CRTC3: variants seen among roughly 807,000 people sequenced by gnomAD.
The protein encoded by CRTC3 is CREB-regulated transcription coactivator 3.
In CRTC3, 26 loss-of-function variants were observed where a neutral mutation model predicts 74.5. The ratio of observed to expected loss-of-function variants is 0.35; its 90% confidence interval spans 0.26 to 0.48. CRTC3 has a LOEUF of 0.48. Ranked by LOEUF, CRTC3 falls within the 20% of genes least tolerant of loss-of-function variation. The pLI, the probability that CRTC3 is intolerant of heterozygous loss-of-function variation, is 0.99. For synonymous variants in CRTC3, 377 were observed against 325.8 expected (o/e 1.16, Z -1.69); for missense variants, 760 against 787.3 (o/e 0.97, Z 0.41).
chr15:90,550,544 T>G (rs1337381113), intron 2 of CRTC3, among the ~76,000 whole-genome samples: 2 of 151,738 alleles, frequency 1.3e-5, no homozygotes, highest in Non-Finnish European at 2.9e-5. Context: ...GATGGCACTG[T>G]CATGGAGTTA....
intron 2 of CRTC3, among the ~76,000 whole-genome samples, chr15:90,549,153 TG>T (rs1966849683): frequency 6.6e-6 from 1 of 152,228 alleles, no homozygotes; most frequent in Non-Finnish European, 1.5e-5. Flanking sequence ...TGTATAGTTT[TG>T]TATTTTCCTT....
At chr15:90,570,139 C>T (rs1341812372) in intron 2 of CRTC3, among the ~76,000 whole-genome samples, 1 of 152,128 alleles carries the variant, frequency 6.6e-6, no homozygotes, top group African/African-American at 2.4e-5. Flanking sequence ...TAGGACATAA[C>T]TTGTTTGTCT....
chr15:90,570,213 A>C (rs997164151), intron 2 of CRTC3, among the ~76,000 whole-genome samples: 7 of 152,182 alleles, frequency 4.6e-5, no homozygotes, highest in Admixed American at 3.3e-4. Context: ...TGGCTTAAAA[A>C]ATTGTCAAGT....
At chr15:90,641,851 T>TC in intron 14 of CRTC3, 81 bp from the exon 15 acceptor site, 1 of 1,177,900 alleles carries the variant, frequency 8.5e-7, no homozygotes, top group Middle Eastern at 2.8e-4. Flanking sequence ...TAGGGGACTG[T>TC]CATCAGCTGG....
intron 1 of CRTC3, among the ~76,000 whole-genome samples, chr15:90,537,855 CG>C (rs927743650): frequency 5.0e-4 from 76 of 152,332 alleles, no homozygotes; most frequent in African/African-American, 1.7e-3. Flanking sequence ...TTAGTAGAGA[CG>C]GGGTTTCACC....
chr15:90,559,870 T>A (rs996456756), intron 2 of CRTC3, among the ~76,000 whole-genome samples: 1 of 152,234 alleles, frequency 6.6e-6, no homozygotes, highest in Non-Finnish European at 1.5e-5. Context: ...CTCGAACTCC[T>A]GGGTGCAAGT....
intron 7 of CRTC3, among the ~76,000 whole-genome samples, chr15:90,617,464 A>C (rs1405965881): frequency 6.6e-6 from 1 of 152,234 alleles, no homozygotes; most frequent in Non-Finnish European, 1.5e-5. Context: ...TTATTTGTTA[A>C]ATCAGTTTTT....
intron 2 of CRTC3, among the ~76,000 whole-genome samples, chr15:90,545,495 G>A (rs1966842645): frequency 6.6e-6 from 1 of 151,094 alleles, no homozygotes; most frequent in Non-Finnish European, 1.5e-5. Flanking sequence ...CGCCTCCCAG[G>A]TTCAAGCAGT....
intron 13 of CRTC3, among the ~76,000 whole-genome samples, chr15:90,639,670 G>C (rs1392160267): frequency 6.6e-6 from 1 of 150,806 alleles, no homozygotes; most frequent in Non-Finnish European, 1.5e-5. Context: ...GGCTAATCTT[G>C]AACTCCGGAC....
chr15:90,576,255 A>G (rs1324647317), intron 2 of CRTC3, among the ~76,000 whole-genome samples: 1 of 152,180 alleles, frequency 6.6e-6, no homozygotes, highest in Non-Finnish European at 1.5e-5. Context: ...TAAATAAATA[A>G]TACAATACAA....
At chr15:90,563,565 A>G (rs950439150) in intron 2 of CRTC3, among the ~76,000 whole-genome samples, 1 of 152,204 alleles carries the variant, frequency 6.6e-6, no homozygotes, top group African/African-American at 2.4e-5. Flanking sequence ...CTAAGAGCGG[A>G]TGGCTCTCAC....
chr15:90,636,152 A>C (rs1197751399), intron 11 of CRTC3, among the ~76,000 whole-genome samples: 1 of 151,354 alleles, frequency 6.6e-6, no homozygotes, highest in Non-Finnish European at 1.5e-5. Context: ...CCTGACTTCA[A>C]ACTATACTAC....
At position 90,617,919 on chromosome 15, in the gene CRTC3, T is replaced by C; in HGVS notation, c.650T>C (p.Leu217Pro). 2 of 1,613,172 alleles carry C rather than the reference T, an allele frequency of 1.2e-6. No individual in the cohort carries two copies. The highest frequency in any genetic ancestry group is 4.5e-5 in the East Asian group (2 of 44,884). ...SFPGPLKEENLLNVPKPLPKQ... is the reference protein window; with the variant it reads ...SFPGPLKEENPLNVPKPLPKQ... ...CCTGGCCCATTGAAAGAAGAGAATC[T>C]GTTAAATGTTCCGAAGCCACTGCCA... The change falls in exon 8 of 15, where the codon CTG becomes CCG. Residue 217 changes from leucine to proline, a missense_variant. Coordinates refer to ENST00000268184, the MANE Select transcript of CRTC3 (RefSeq NM_022769.5).
Position 90,598,558 on chromosome 15 carries a change from G to A in CRTC3, c.352-3766G>A, listed in dbSNP as rs181105901. The A allele has an allele frequency of 3.3e-5, 23 of 701,820 alleles. No homozygotes were observed. The East Asian group carries it at 5.6e-4, about 17-fold the overall frequency. 43.5% of individuals were successfully genotyped at this position (701,820 alleles called of 1,614,324 possible). ...CTTGGGGAGAGAGAGAACACACTGG[G>A]ATGACTCTGAGATCCTAACATGAGT... On this transcript the variant is annotated intron_variant, in intron 3 of 14. Transcript: ENST00000268184.
chr15:90,581,907 G>T (rs1967550963), intron 2 of CRTC3, among the ~76,000 whole-genome samples: 1 of 152,146 alleles, frequency 6.6e-6, no homozygotes, highest in Admixed American at 6.5e-5. Flanking sequence ...ATTTCCTACG[G>T]CAGGAAGAGG....
Position 90,529,932 on chromosome 15 carries a change from G to C in CRTC3, c.-140G>C. 1 of 534,184 alleles carries C rather than the reference G, an allele frequency of 1.9e-6. No individual in the cohort carries two copies. 33.1% of individuals were successfully genotyped at this position (534,184 alleles called of 1,614,324 possible). On this transcript the variant is annotated 5_prime_UTR_variant, in exon 1 of 15. Coordinates refer to ENST00000268184, the MANE Select transcript of CRTC3 (RefSeq NM_022769.5). ...CTCCCGGCCGCTCGCTGGCTCCGGGGCCGCGGCGGCTCCTCTGCCGGGTCG... is the reference window on the plus strand; with the variant it reads ...CTCCCGGCCGCTCGCTGGCTCCGGGCCCGCGGCGGCTCCTCTGCCGGGTCG...
chr15:90,637,419 G>C (rs1415801725), intron 11 of CRTC3, among the ~76,000 whole-genome samples: 2 of 152,180 alleles, frequency 1.3e-5, no homozygotes, highest in South Asian at 2.1e-4. Flanking sequence ...TGCGGGGAAG[G>C]GGGAGGGATA....
At chr15:90,622,520 T>C (rs966976357) in intron 9 of CRTC3, among the ~76,000 whole-genome samples, 2 of 152,170 alleles carry the variant, frequency 1.3e-5, no homozygotes, top group Non-Finnish European at 2.9e-5. Context: ...TCCTTGATCT[T>C]TAACCCTATA....
chr15:90,548,583 A>G (rs1171677964), intron 2 of CRTC3, among the ~76,000 whole-genome samples: 1 of 151,682 alleles, frequency 6.6e-6, no homozygotes, highest in Non-Finnish European at 1.5e-5. Flanking sequence ...TCTTTAAAGG[A>G]AAAAAAAAGA....
Sources: allele counts gnomAD v4.1 joint callset (sites outside exome capture counted in the v4.1 genomes callset), GRCh38; gene constraint gnomAD v4.1.1; transcripts MANE v1.5; gene names NCBI Gene and HGNC (gene_info 2026-07-23, HGNC 2026-07-21).